Variants in AHR observed in about 807,000 individuals in gnomAD.
AHR encodes aryl hydrocarbon receptor.
Under a neutral mutation model 86.8 loss-of-function variants are expected in AHR, and 40 were observed. The ratio of observed to expected loss-of-function variants is 0.46; its 90% confidence interval spans 0.36 to 0.60. AHR has a LOEUF of 0.60. Ranked by LOEUF, AHR falls within the 20% of genes least tolerant of loss-of-function variation. AHR has a pLI of 0.00. For synonymous variants in AHR, 398 were observed against 354.9 expected, an observed-to-expected ratio of 1.12 and a Z score of -1.37; for missense variants, 1,001 against 1,011.6, an observed-to-expected ratio of 0.99 and a Z score of 0.14.
At chr7:17,322,457 T>C (rs1434150379) in intron 2 of AHR, 44 bp from the exon 3 acceptor site, 2 of 1,320,376 alleles carry the variant, frequency 1.5e-6, no homozygotes, top group Non-Finnish European at 2.2e-6. Context: ...AGCTCTTTAC[T>C]CTTGCTTACT....
intron 2 of AHR, among the ~76,000 whole-genome samples, chr7:17,315,505 T>C (rs867726493): frequency 1.3e-5 from 2 of 152,024 alleles, no homozygotes; most frequent in Non-Finnish European, 2.9e-5. Context: ...TAGTCTTGCA[T>C]GGTTCTAGAA....
chr7:17,315,425 T>C (rs1782105512), intron 2 of AHR, among the ~76,000 whole-genome samples: 1 of 152,028 alleles, frequency 6.6e-6, no homozygotes. Flanking sequence ...GTATCATATA[T>C]TATGTATTTT....
At chr7:17,333,853 A>T in intron 6 of AHR, 59 bp from the exon 7 acceptor site, 1 of 1,408,402 alleles carries the variant, frequency 7.1e-7, no homozygotes, top group African/African-American at 1.4e-5. Flanking sequence ...CCTTTTAAAA[A>T]GGCACTATTT....
chr7:17,333,086 A>G (rs184286005), intron 6 of AHR, among the ~76,000 whole-genome samples: 4 of 152,156 alleles, frequency 2.6e-5, no homozygotes, highest in Non-Finnish European at 4.4e-5. Flanking sequence ...ACAAAAGGCT[A>G]TACTGTATAG....
intron 2 of AHR, among the ~76,000 whole-genome samples, chr7:17,321,245 A>C (rs1782169101): frequency 1.3e-5 from 2 of 152,098 alleles, no homozygotes; most frequent in Non-Finnish European, 2.9e-5. Flanking sequence ...AGCTCTGAGA[A>C]ATATTTCTAC....
intron 10 of AHR, among the ~76,000 whole-genome samples, chr7:17,342,575 T>C (rs1181322801): frequency 6.6e-6 from 1 of 152,170 alleles, no homozygotes; most frequent in East Asian, 1.9e-4. Context: ...AACCTACTTA[T>C]GATAGAGAAT....
At chr7:17,309,224 A>T (rs1332334985) in intron 1 of AHR, among the ~76,000 whole-genome samples, 1 of 152,244 alleles carries the variant, frequency 6.6e-6, no homozygotes, top group Non-Finnish European at 1.5e-5. Flanking sequence ...ATTGAGACAC[A>T]AGCTACGAAA....
In AHR at chr7:17,311,585, A is replaced by G. The variant is rs557979601; in HGVS notation, c.253+1462A>G. Among the ~76,000 whole-genome samples, 6 of 152,270 alleles carry G rather than the reference A, an allele frequency of 3.9e-5. No individual in the cohort carries two copies. In the South Asian group the frequency reaches 6.2e-4, roughly 16 times the overall value. On this transcript the variant is annotated intron_variant, in intron 2 of 10. Transcript: ENST00000242057. Reference sequence around the variant, plus strand: ...CCCGTCTTTCTTTTGGACAAAAGCTATTTAGTTTAACAGTTGTGGTCTGGG... The same window carrying G: ...CCCGTCTTTCTTTTGGACAAAAGCTGTTTAGTTTAACAGTTGTGGTCTGGG...
chr7:17,306,891 CATTA>C (rs1782011494), intron 1 of AHR, among the ~76,000 whole-genome samples: 1 of 152,080 alleles, frequency 6.6e-6, no homozygotes, highest in African/African-American at 2.4e-5. Flanking sequence ...GGTCAGCAAA[CATTA>C]ATTGAGAATC....
rs1184250168 is a variant in AHR at position 17,345,319 on chromosome 7, A to G, written c.*2255A>G. On this transcript the variant is annotated 3_prime_UTR_variant, in exon 11 of 11. Transcript: ENST00000242057. ...AGACCGAGACTCCGTCTCCAAAAAA[A>G]AAAAAAATACAATTTTTATTTCTTT... The G allele has an allele frequency of 6.6e-6, 1 of 152,582 alleles. No homozygotes were observed. The highest frequency in any genetic ancestry group is 1.9e-4 in the East Asian group (1 of 5,192). 9.5% of individuals were successfully genotyped at this position (152,582 alleles called of 1,614,324 possible).
intron 7 of AHR, 82 bp from the exon 8 acceptor site, chr7:17,334,804 TA>T: frequency 9.9e-7 from 1 of 1,011,278 alleles, no homozygotes; most frequent in Non-Finnish European, 1.5e-6. Context: ...GAAACTAGCG[TA>T]AAACCAATGA....
intron 9 of AHR, chr7:17,336,022 G>A (rs577276888): frequency 1.6e-4 from 58 of 366,074 alleles, no homozygotes; most frequent in African/African-American, 1.0e-3. Flanking sequence ...GTTTTATCTT[G>A]GGCATATGAA....
At chr7:17,312,597 C>T (rs1351378645) in intron 2 of AHR, among the ~76,000 whole-genome samples, 4 of 152,160 alleles carry the variant, frequency 2.6e-5, no homozygotes, top group Non-Finnish European at 5.9e-5. Context: ...CACAGTCTAT[C>T]TTATAAAGCA....
intron 2 of AHR, among the ~76,000 whole-genome samples, chr7:17,314,518 T>C (rs1397700866): frequency 6.6e-6 from 1 of 152,068 alleles, no homozygotes; most frequent in African/African-American, 2.4e-5. Context: ...GCAGATGCTT[T>C]AACAGTTCAT....
intron 4 of AHR, among the ~76,000 whole-genome samples, chr7:17,328,605 C>G (rs929599937): frequency 3.3e-5 from 5 of 151,848 alleles, no homozygotes; most frequent in African/African-American, 1.2e-4. Context: ...GCCCCATTGT[C>G]AGATATTCTG....
chr7:17,341,122 C>T (rs1487692986), intron 10 of AHR, among the ~76,000 whole-genome samples: 1 of 152,062 alleles, frequency 6.6e-6, no homozygotes, highest in Non-Finnish European at 1.5e-5. Context: ...AATATCTTGA[C>T]TAAAATTAAG....
chr7:17,308,287 T>G (rs1782025876), intron 1 of AHR, among the ~76,000 whole-genome samples: 1 of 152,288 alleles, frequency 6.6e-6, no homozygotes, highest in South Asian at 2.1e-4. Flanking sequence ...TCCTTAGTTA[T>G]GCCTCTTCAT....
intron 3 of AHR, 142 bp from the exon 4 acceptor site, chr7:17,327,617 G>A (rs1782242857): frequency 7.9e-6 from 3 of 377,650 alleles, no homozygotes; most frequent in Admixed American, 8.0e-5. Context: ...TAGTCCAGGA[G>A]TGTATGTTTT....
rs1781918991 is a variant in AHR, at chr7:17,298,851, G to T, written c.-414G>T. On this transcript the variant is annotated 5_prime_UTR_variant, in exon 1 of 11. Coordinates refer to ENST00000242057, the MANE Select transcript of AHR (RefSeq NM_001621.5). ...CGGCGGCACCTCCCTCACCCAAGGGGCCGCGGCGACGGTCACGGGGCGCGG... is the reference window on the plus strand; with the variant it reads ...CGGCGGCACCTCCCTCACCCAAGGGTCCGCGGCGACGGTCACGGGGCGCGG... The T allele has an allele frequency of 5.0e-6, 2 of 398,910 alleles. No individual in the cohort carries two copies. The highest frequency in any genetic ancestry group is 2.5e-4 in the South Asian group (2 of 8,032). The allele number at this position is 398,910 out of a possible 1,614,324, so 24.7% of individuals were successfully genotyped here.
Sources: gnomAD v4.1 joint callset for allele counts (sites outside exome capture counted in the v4.1 genomes callset) on GRCh38, gnomAD v4.1.1 for gene constraint, MANE v1.5 for transcripts, NCBI Gene and HGNC (gene_info 2026-07-23, HGNC 2026-07-21) for gene names.